Variants in KRI1 observed in about 807,000 individuals in gnomAD.
KRI1 encodes the protein KRI1 homolog.
In KRI1, 83 loss-of-function variants were observed where a neutral mutation model predicts 97.0. The observed-to-expected ratio is 0.86, with a 90% confidence interval of 0.72 to 1.03. The LOEUF (loss-of-function observed/expected upper bound fraction) is 1.03, where lower values mean the gene tolerates loss of function less well. KRI1 is among the 50% of genes least tolerant of loss of function. KRI1 has a pLI of 0.00. For missense variants in KRI1, 916 were observed against 928.4 expected (o/e 0.99, Z 0.17); for synonymous variants, 371 against 363.5 (o/e 1.02, Z -0.23).
Position 10,558,036 on chromosome 19 carries a change from T to A in KRI1, c.1295A>T (p.Asp432Val). The change falls in exon 14 of 19, where the codon GAC (aspartate) becomes GTC (valine). Residue 432 changes from aspartate (D) to valine (V), a missense_variant. Asp to Val is a radical substitution (Grantham distance 152). Transcript: ENST00000312962. ...LEDDWNWDTWDGPEQEGDWSQ... is the reference protein window; with the variant it reads ...LEDDWNWDTWVGPEQEGDWSQ... ...CCAGTCTCCCTCCTGCTCAGGCCCG[T>A]CCCACGTGTCCCAGTTCCAGTCGTC... 6.2e-7 allele frequency: 1 copy of A among 1,613,982 alleles called. No individual in the cohort carries two copies. The highest frequency in any genetic ancestry group is 8.5e-7 in the Non-Finnish European group (1 of 1,179,996).
At chr19:10,555,237 C>A (rs1377947044) in intron 17 of KRI1, 48 bp downstream of exon 17, 2 of 1,490,508 alleles carry the variant, frequency 1.3e-6, no homozygotes, top group South Asian at 1.2e-5. Context: ...CCGAGGCTGC[C>A]CGCCCTGCCC....
chr19:10,561,131 C>T, intron 7 of KRI1, 38 bp downstream of exon 7: 3 of 1,612,366 alleles, frequency 1.9e-6, no homozygotes, highest in African/African-American at 1.3e-5. Context: ...CACCCGCCAC[C>T]CTGTCCCCCA....
chr19:10,562,871 A>G (rs1391477295), intron 3 of KRI1, 34 bp from the exon 4 acceptor site: 1 of 1,311,090 alleles, frequency 7.6e-7, no homozygotes, highest in Non-Finnish European at 1.1e-6. Context: ...GCCATCACCC[A>G]CAACCCCCTT....
At chr19:10,565,818 C>CCCCA in intron 1 of KRI1, 28 bp from the exon 2 acceptor site, 5 of 1,550,082 alleles carry the variant, frequency 3.2e-6, no homozygotes, top group Non-Finnish European at 4.4e-6. Flanking sequence ...GATGCCCCCC[C>CCCCA]CCAGGTCAGC....
In KRI1 at chr19:10,565,904, AC is replaced by A. The variant is rs1435761181; in HGVS notation, c.94+1del. ...TCCCGCGCGCATGCGCCCCGCACTC[AC>A]GCCGCTGCAGTTCCTCGCGCTCCCG... On this transcript the variant is annotated splice_donor_variant, in intron 1 of 18. Coordinates refer to ENST00000312962, the MANE Select transcript of KRI1 (RefSeq NM_023008.5). LOFTEE classifies it high-confidence loss of function. 24 of 1,530,974 alleles carry A rather than the reference AC, an allele frequency of 1.6e-5. No homozygotes were observed. Among genetic ancestry groups the A allele is most frequent in the Non-Finnish European group, 4.4e-6 (5 of 1,138,776 alleles). The allele number at this position is 1,530,974 out of a possible 1,614,324, so 94.8% of individuals were successfully genotyped here. A position where few individuals can be genotyped will look rare whatever the true frequency, so the allele number is the denominator to read the frequency against.
chr19:10,556,321 C>T (rs2144715560), intron 16 of KRI1, among the ~76,000 whole-genome samples: 1 of 152,234 alleles, frequency 6.6e-6, no homozygotes. Context: ...GTGTGACCAG[C>T]CCTGCTACCA....
Position 10,557,848 on chromosome 19 carries a change from C to A in KRI1, c.1407G>T (p.Glu469Asp), listed in dbSNP as rs767665537. ...DPSQPRKKKR[E>D]APLTGKKKRK... ...GCTTCTTCTTGCCCGTCAAGGGGGC[C>A]TCGCGCTTTTTCTTCCTCGGCTGGC... The change falls in exon 15 of 19, where the codon GAG becomes GAT. Residue 469 changes from glutamate (E) to aspartate (D), a missense_variant. Physicochemically the swap from Glu to Asp is conservative, Grantham distance 45. Transcript: ENST00000312962. 2.5e-6 allele frequency: 4 copies of A among 1,613,620 alleles called. No homozygotes were observed. In the East Asian group the frequency reaches 8.9e-5, roughly 36 times the overall value.
chr19:10,565,048 A>G lies in KRI1; in HGVS notation c.169-14T>C, dbSNP rs1186020526. 5 of 1,537,164 alleles carry G rather than the reference A, an allele frequency of 3.3e-6. No individual in the cohort carries two copies. The highest frequency in any genetic ancestry group is 4.5e-6 in the Non-Finnish European group (5 of 1,110,044). Reference sequence around the variant, plus strand: ...GGGATCAAATTCCTAGGGCAGGAAAAGGGTTGGGGATAGATTTCAGAAGGG... The same window carrying G: ...GGGATCAAATTCCTAGGGCAGGAAAGGGGTTGGGGATAGATTTCAGAAGGG... On this transcript the variant is annotated splice_polypyrimidine_tract_variant and intron_variant, in intron 2 of 18. Transcript: ENST00000312962.
In KRI1 at chr19:10,555,319, G is replaced by T; in HGVS notation, c.1648C>A (p.Arg550=). ...CAGGTCTTCTTTAGGGAGCACCACC[G>T]GTTCAGCTCCTTATCGTCAGCAGCG... ...ILAADDKELN[R]WCSLKKTCMY... Residue 550 remains arginine, a synonymous_variant, in exon 17 of 19, where the codon CGG becomes AGG. Transcript: ENST00000312962. 1 of 1,614,152 alleles carries T rather than the reference G, an allele frequency of 6.2e-7. No individual in the cohort carries two copies. Among genetic ancestry groups the T allele is most frequent in the Middle Eastern group, 1.7e-4 (1 of 6,044 alleles).
chr19:10,565,895 C>T lies in KRI1; in HGVS notation c.94+11G>A, dbSNP rs1157353510. ...CGCGCAGGCTCCCGCGCGCATGCGCCCCGCACTCACGCCGCTGCAGTTCCT... is the reference window on the plus strand; with the variant it reads ...CGCGCAGGCTCCCGCGCGCATGCGCTCCGCACTCACGCCGCTGCAGTTCCT... On this transcript the variant is annotated intron_variant, in intron 1 of 18. Transcript: ENST00000312962. The T allele has an allele frequency of 2.6e-6, 4 of 1,533,062 alleles. No individual in the cohort carries two copies. Among genetic ancestry groups the T allele is most frequent in the Non-Finnish European group, 2.6e-6 (3 of 1,139,188 alleles). The allele number at this position is 1,533,062 out of a possible 1,614,324, so 95.0% of individuals were successfully genotyped here. A position where few individuals can be genotyped will look rare whatever the true frequency, so the allele number is the denominator to read the frequency against.
Position 10,557,699 on chromosome 19 carries a change from C to G in KRI1, c.1487-17G>C. The stretch of plus-strand genomic sequence containing the variant: ...TCTTGTCCCCTGCTCGAGACAGAGC[C>G]AGGCTGCTGGGCTATGCCAGGCCCC... On this transcript the variant is annotated splice_polypyrimidine_tract_variant and intron_variant, in intron 15 of 18. Coordinates refer to ENST00000312962, the MANE Select transcript of KRI1 (RefSeq NM_023008.5). 6 of 1,614,088 alleles carry G rather than the reference C, an allele frequency of 3.7e-6. No individual in the cohort carries two copies. The highest frequency in any genetic ancestry group is 5.1e-6 in the Non-Finnish European group (6 of 1,179,924).
Position 10,565,043 on chromosome 19 carries a change from G to T in KRI1, c.169-9C>A, listed in dbSNP as rs1215784149. 6.3e-7 allele frequency: 1 copy of T among 1,575,836 alleles called. No homozygotes were observed. The highest frequency in any genetic ancestry group is 8.7e-7 in the Non-Finnish European group (1 of 1,145,288). On this transcript the variant is annotated splice_polypyrimidine_tract_variant and intron_variant, in intron 2 of 18. Coordinates refer to ENST00000312962, the MANE Select transcript of KRI1 (RefSeq NM_023008.5). ...TGCTGGGGATCAAATTCCTAGGGCA[G>T]GAAAAGGGTTGGGGATAGATTTCAG... is the stretch of plus-strand genomic sequence containing the variant.
At chr19:10,554,886 C>G (rs1916448835) in intron 18 of KRI1, among the ~76,000 whole-genome samples, 1 of 152,194 alleles carries the variant, frequency 6.6e-6, no homozygotes, top group African/African-American at 2.4e-5. Context: ...CTATCTCCAT[C>G]TTATGAGAAA....
At position 10,561,228 on chromosome 19, in the gene KRI1, C is replaced by T. The variant is rs370398670; in HGVS notation, c.526G>A (p.Gly176Ser). The change falls in exon 7 of 19, where the codon GGC becomes AGC. Residue 176 changes from glycine (G) to serine (S), a missense_variant. By Grantham distance (56) the Gly-to-Ser change is moderately conservative (BLOSUM62 0). This residue lies in a region of KRI1 where 71 missense variants were observed against 108.1 expected (regional missense o/e 0.66). Transcript: ENST00000312962. Reference sequence around the variant, plus strand: ...AAACTGGAGCCGCCCTCCCCAGCGCCGTCCTCGTCCTCACTGTCCTCCACA... The same window carrying T: ...AAACTGGAGCCGCCCTCCCCAGCGCTGTCCTCGTCCTCACTGTCCTCCACA... ...AFVEDSEDED[G>S]AGEGGSSLLQ... The T allele has an allele frequency of 4.5e-5, 72 of 1,614,126 alleles. No individual in the cohort carries two copies. The highest frequency in any genetic ancestry group is 1.7e-4 in the African/African-American group (13 of 75,038).
At chr19:10,560,584 G>A (rs1205839346) in intron 8 of KRI1, 136 bp from the exon 9 acceptor site, 4 of 643,408 alleles carry the variant, frequency 6.2e-6, no homozygotes, top group Non-Finnish European at 1.1e-5. Flanking sequence ...TTTTTATTTC[G>A]AGACAGGGTC....
chr19:10,559,459 A>T lies in KRI1; in HGVS notation c.1094T>A (p.Leu365Gln). The T allele has an allele frequency of 6.2e-7, 1 of 1,613,928 alleles. No homozygotes were observed. The highest frequency in any genetic ancestry group is 8.5e-7 in the Non-Finnish European group (1 of 1,179,978). ...GCCTGTTACTTTCCGCAGCTTCTCC[A>T]GCTTGGCCAGAATCTCCTTCCTCTT... Reference protein sequence around the residue: ...NLKRKEILAKLEKLRKVTGNE... With the variant: ...NLKRKEILAKQEKLRKVTGNE... Residue 365 changes from leucine to glutamine, a missense_variant, in exon 12 of 19, where the codon CTG becomes CAG. Around this residue, in one of 3 missense-constraint regions of KRI1, gnomAD observed 672 missense variants for 667.2 expected, o/e 1.01. Transcript: ENST00000312962.
Position 10,557,519 on chromosome 19 carries a change from C to T in KRI1, c.1617+33G>A, listed in dbSNP as rs986932804. ...TACCCCTTCGGCATACCTGGTGCCC[C>T]CTGCAGTGTCCCTGCCTGCCCGGGG... On this transcript the variant is annotated intron_variant, in intron 16 of 18. Transcript: ENST00000312962. The T allele has an allele frequency of 1.9e-6, 3 of 1,605,186 alleles. No individual in the cohort carries two copies. In the East Asian group the frequency reaches 6.7e-5, roughly 36 times the overall value.
At chr19:10,555,236 C>CCCGCCCTGCCCGCAGCGCAGCTGGCT (rs6146467) in intron 17 of KRI1, 49 bp downstream of exon 17, 145 of 1,604,914 alleles carry the variant, frequency 9.0e-5, no homozygotes, top group Non-Finnish European at 1.2e-4. Context: ...CCCGAGGCTG[C>CCCGCCCTGCCCGCAGCGCAGCTGGCT]CCGCCCTGCC....
intron 16 of KRI1, among the ~76,000 whole-genome samples, chr19:10,556,385 T>C (rs2144715673): frequency 6.6e-6 from 1 of 150,612 alleles, no homozygotes; most frequent in South Asian, 2.2e-4. Flanking sequence ...AAAATAATAT[T>C]GGCTGGGCCT....
Sources: gnomAD v4.1 joint callset for allele counts (sites outside exome capture counted in the v4.1 genomes callset) on GRCh38, gnomAD v4.1.1 for gene constraint, gnomAD v4.1.1 regional missense constraint, MANE v1.5 for transcripts, NCBI Gene and HGNC (gene_info 2026-07-23, HGNC 2026-07-21) for gene names.